Variants in CACNA2D3 observed in about 807,000 individuals in gnomAD.
CACNA2D3 encodes the protein calcium voltage-gated channel auxiliary subunit alpha2delta 3, also known as voltage-dependent calcium channel subunit alpha-2/delta-3.
In CACNA2D3, 60 loss-of-function variants were observed where a neutral mutation model predicts 160.6. That is an observed-to-expected ratio of 0.37 (90% confidence interval 0.30 to 0.46). The LOEUF is 0.46. CACNA2D3 is among the 20% of genes least tolerant of loss of function. The pLI, the probability that CACNA2D3 is intolerant of heterozygous loss-of-function variation, is 1.00. For synonymous variants in CACNA2D3, 558 were observed against 492.9 expected (o/e 1.13, Z -1.75); for missense variants, 1,205 against 1,365.0 (o/e 0.88, Z 1.85).
At chr3:54,199,145 A>G (rs1023191836) in intron 2 of CACNA2D3, among the ~76,000 whole-genome samples, 13 of 152,152 alleles carry the variant, frequency 8.5e-5, no homozygotes, top group African/African-American at 2.9e-4. Context: ...TTTTTATTTT[A>G]TTACATCTTT....
chr3:54,941,839 C>T (rs763800428), intron 27 of CACNA2D3, among the ~76,000 whole-genome samples: 5 of 152,106 alleles, frequency 3.3e-5, no homozygotes, highest in Non-Finnish European at 4.4e-5. Context: ...ATGCATTGGC[C>T]TCCTCCCTGC....
At chr3:54,721,034 A>G (rs935009183) in intron 11 of CACNA2D3, among the ~76,000 whole-genome samples, 1 of 151,908 alleles carries the variant, frequency 6.6e-6, no homozygotes, top group Non-Finnish European at 1.5e-5. Flanking sequence ...TCTATTATTC[A>G]GTTTTGTCAT....
intron 27 of CACNA2D3, among the ~76,000 whole-genome samples, chr3:54,912,411 C>G (rs1700576991): frequency 6.6e-6 from 1 of 152,012 alleles, no homozygotes; most frequent in South Asian, 2.1e-4. Flanking sequence ...TGATTTGACC[C>G]CTATTACCCT....
intron 27 of CACNA2D3, among the ~76,000 whole-genome samples, chr3:54,924,006 G>A (rs996478387): frequency 6.6e-6 from 1 of 152,230 alleles, no homozygotes; most frequent in African/African-American, 2.4e-5. Flanking sequence ...CCCTGGGGCT[G>A]TAGTTTGCTA....
At chr3:54,463,294 C>T (rs1294999896) in intron 4 of CACNA2D3, among the ~76,000 whole-genome samples, 5 of 152,126 alleles carry the variant, frequency 3.3e-5, no homozygotes, top group African/African-American at 9.7e-5. Context: ...GTGGCATTCT[C>T]TGTATTTCCT....
intron 35 of CACNA2D3, among the ~76,000 whole-genome samples, chr3:55,042,175 T>C (rs190724036): frequency 2.0e-5 from 3 of 152,298 alleles, no homozygotes; most frequent in Admixed American, 1.3e-4. Flanking sequence ...AGACATTGTG[T>C]TGTTGAAATC....
chr3:54,681,615 A>G (rs1700353255), intron 11 of CACNA2D3, among the ~76,000 whole-genome samples: 1 of 151,792 alleles, frequency 6.6e-6, no homozygotes, highest in African/African-American at 2.4e-5. Flanking sequence ...GATGACATAT[A>G]GGGGAAGATA....
At chr3:54,818,788 A>G (rs747920165) in intron 14 of CACNA2D3, among the ~76,000 whole-genome samples, 1 of 152,226 alleles carries the variant, frequency 6.6e-6, no homozygotes, top group African/African-American at 2.4e-5. Context: ...TATCATGGCT[A>G]GAAATTGTCT....
chr3:54,354,604 A>G (rs913055399), intron 3 of CACNA2D3, among the ~76,000 whole-genome samples: 1 of 152,216 alleles, frequency 6.6e-6, no homozygotes, highest in Non-Finnish European at 1.5e-5. Context: ...ACTTCTAAGC[A>G]AAGCCAATTG....
At position 54,480,508 on chromosome 3, in the gene CACNA2D3, A is replaced by G. The variant is rs142946020; in HGVS notation, c.382-22984A>G. 5.9e-3 allele frequency among the ~76,000 whole-genome samples: 897 copies of G among 152,300 alleles called. 9 individuals carry two copies. Among genetic ancestry groups the G allele is most frequent in the African/African-American group, 0.021 (869 of 41,558 alleles). On this transcript the variant is annotated intron_variant, in intron 4 of 37. Transcript: ENST00000474759. ...TTAGTTCCCCTGTAGTAGTAAATAC[A>G]TGTTTCAGTTACTGAAATGAGGGTT...
chr3:54,369,445 G>A (rs1317235201), intron 3 of CACNA2D3, among the ~76,000 whole-genome samples: 1 of 152,122 alleles, frequency 6.6e-6, no homozygotes, highest in East Asian at 1.9e-4. Flanking sequence ...GACAAGTCAG[G>A]GCCTTGACTT....
chr3:54,893,778 T>G (rs1575536294), intron 25 of CACNA2D3, among the ~76,000 whole-genome samples: 1 of 137,572 alleles, frequency 7.3e-6, no homozygotes, highest in South Asian at 2.3e-4. Flanking sequence ...TCACCCCCAA[T>G]AGTTATAATA....
intron 13 of CACNA2D3, among the ~76,000 whole-genome samples, chr3:54,812,621 C>T (rs1703348078): frequency 6.6e-6 from 1 of 152,180 alleles, no homozygotes; most frequent in South Asian, 2.1e-4. Context: ...GATTTCTCAT[C>T]CCTGCTTTCT....
chr3:54,891,179 T>TTGTG (rs1559619042), intron 24 of CACNA2D3, among the ~76,000 whole-genome samples, 176 bp from the exon 25 acceptor site: 1 of 83,264 alleles, frequency 1.2e-5, no homozygotes, highest in Admixed American at 1.3e-4. Flanking sequence ...CAATCTGTGC[T>TTGTG]CGTGTGTGTG....
intron 3 of CACNA2D3, among the ~76,000 whole-genome samples, chr3:54,354,442 G>GA (rs746937522): frequency 6.6e-6 from 1 of 152,002 alleles, no homozygotes; most frequent in Non-Finnish European, 1.5e-5. Flanking sequence ...ACCAAAAAAG[G>GA]AAAAAATGCA....
chr3:54,826,337 G>T (rs1455726390), intron 14 of CACNA2D3, among the ~76,000 whole-genome samples: 1 of 152,138 alleles, frequency 6.6e-6, no homozygotes, highest in Non-Finnish European at 1.5e-5. Flanking sequence ...GGGTAAACTG[G>T]AGCAGTTGTG....
chr3:54,451,416 A>G (rs1700306848), intron 4 of CACNA2D3, among the ~76,000 whole-genome samples: 1 of 151,542 alleles, frequency 6.6e-6, no homozygotes, highest in Non-Finnish European at 1.5e-5. Flanking sequence ...CGCTCAGCTA[A>G]TTTTTGTATT....
At chr3:54,848,751 C>T (rs1171056446) in intron 17 of CACNA2D3, among the ~76,000 whole-genome samples, 5 of 152,196 alleles carry the variant, frequency 3.3e-5, no homozygotes, top group Admixed American at 2.0e-4. Flanking sequence ...ACTCCTAGTC[C>T]CACTACATCC....
chr3:54,588,839 G>T (rs1285102711), intron 9 of CACNA2D3, among the ~76,000 whole-genome samples: 1 of 151,814 alleles, frequency 6.6e-6, no homozygotes, highest in Non-Finnish European at 1.5e-5. Flanking sequence ...TGGATGAGAA[G>T]TCTCCACAGG....
Sources: gnomAD v4.1 joint callset for allele counts (sites outside exome capture counted in the v4.1 genomes callset) on GRCh38, gnomAD v4.1.1 for gene constraint, MANE v1.5 for transcripts, NCBI Gene and HGNC (gene_info 2026-07-23, HGNC 2026-07-21) for gene names.